Variants in FBN2 observed in about 807,000 individuals in gnomAD.
FBN2 encodes fibrillin 2.
Under a neutral mutation model 355.6 loss-of-function variants are expected in FBN2, and 105 were observed. The observed-to-expected ratio is 0.30, with a 90% CI of 0.25 to 0.35. The LOEUF is 0.35. Among genes scored for constraint, FBN2 ranks in the 10% least tolerant of loss-of-function variants. The pLI is 1.00. For synonymous variants in FBN2, 1,350 were observed against 1,301.2 expected (o/e 1.04, Z -0.81); for missense variants, 3,280 against 3,758.7 (o/e 0.87, Z 3.33).
At chr5:128,356,074 T>A (rs187390870) in intron 20 of FBN2, among the ~76,000 whole-genome samples, 2 of 152,190 alleles carry the variant, frequency 1.3e-5, no homozygotes, top group Admixed American at 1.3e-4. Context: ...TCCATCTCAA[T>A]TGGAAATTGT....
chr5:128,481,098 C>T lies in FBN2; in HGVS notation c.629-16177G>A, dbSNP rs183834094. Among the ~76,000 whole-genome samples the T allele has an allele frequency of 3.9e-5, 6 of 152,164 alleles. No individual in the cohort carries two copies. The East Asian group carries it at 1.2e-3, about 29-fold the overall frequency. On this transcript the variant is annotated intron_variant, in intron 5 of 64. Coordinates refer to ENST00000262464, the MANE Select transcript of FBN2 (RefSeq NM_001999.4). Reference sequence around the variant, plus strand: ...TGTTTGGAATCAAAGCCAGGTTTCACAGCCTGAAAATTAATACTGTGCAGC... The same window carrying T: ...TGTTTGGAATCAAAGCCAGGTTTCATAGCCTGAAAATTAATACTGTGCAGC...
At chr5:128,323,847 T>C (rs1304032266) in intron 34 of FBN2, among the ~76,000 whole-genome samples, 5 of 152,252 alleles carry the variant, frequency 3.3e-5, no homozygotes, top group Non-Finnish European at 7.3e-5. Flanking sequence ...TTGTTTGGAA[T>C]AGTTTCAGAA....
At chr5:128,305,415 G>T in intron 44 of FBN2, 96 bp downstream of exon 44, 1 of 1,430,084 alleles carries the variant, frequency 7.0e-7, no homozygotes, top group South Asian at 1.2e-5. Flanking sequence ...GGTTAAGTGA[G>T]AAAATCTTTC....
At chr5:128,420,431 A>G (rs891238025) in intron 7 of FBN2, among the ~76,000 whole-genome samples, 38 of 152,224 alleles carry the variant, frequency 2.5e-4, no homozygotes, top group Non-Finnish European at 2.5e-4. Context: ...TTTTTTTCCC[A>G]TACAGCATAA....
chr5:128,416,680 T>C (rs1230702176), intron 7 of FBN2, among the ~76,000 whole-genome samples: 1 of 152,192 alleles, frequency 6.6e-6, no homozygotes, highest in Non-Finnish European at 1.5e-5. Context: ...CATTCCTCAA[T>C]GTTGTTTTGG....
chr5:128,293,831 TTTAATTAA>T (rs968328695), intron 48 of FBN2, among the ~76,000 whole-genome samples: 1 of 151,142 alleles, frequency 6.6e-6, no homozygotes, highest in African/African-American at 2.5e-5. Flanking sequence ...TTTTCTTTTT[TTTAATTAA>T]TTAATTAATT....
intron 5 of FBN2, among the ~76,000 whole-genome samples, chr5:128,478,054 C>G (rs144913697): frequency 6.6e-6 from 1 of 152,324 alleles, no homozygotes; most frequent in African/African-American, 2.4e-5. Flanking sequence ...TGTGCAAGTA[C>G]TTCTCAGCTA....
chr5:128,489,685 T>C (rs903153455), intron 5 of FBN2, among the ~76,000 whole-genome samples: 2 of 152,076 alleles, frequency 1.3e-5, no homozygotes, highest in East Asian at 1.9e-4. Context: ...CTGTGAAAAA[T>C]GATTCATTAA....
intron 62 of FBN2, among the ~76,000 whole-genome samples, chr5:128,271,340 T>A (rs772457468): frequency 3.3e-5 from 5 of 152,170 alleles, no homozygotes; most frequent in Non-Finnish European, 7.4e-5. Context: ...AGCCAAGAAA[T>A]TAGGCATATG....
intron 5 of FBN2, among the ~76,000 whole-genome samples, chr5:128,487,509 G>C (rs1277321642): frequency 6.6e-6 from 1 of 151,956 alleles, no homozygotes; most frequent in Non-Finnish European, 1.5e-5. Flanking sequence ...TGTTTTCTTT[G>C]GGCACTTATC....
intron 38 of FBN2, 26 bp from the exon 39 acceptor site, chr5:128,311,451 A>G: frequency 6.2e-7 from 1 of 1,612,282 alleles, no homozygotes; most frequent in Non-Finnish European, 8.5e-7. Context: ...CAGTGCACTT[A>G]AAACAAACAC....
intron 7 of FBN2, among the ~76,000 whole-genome samples, chr5:128,426,242 C>T (rs959976728): frequency 1.3e-5 from 2 of 152,200 alleles, no homozygotes; most frequent in Non-Finnish European, 1.5e-5. Context: ...TCACATTACA[C>T]ATCTGGACAA....
chr5:128,423,532 A>G (rs976491282), intron 7 of FBN2, among the ~76,000 whole-genome samples: 3 of 152,178 alleles, frequency 2.0e-5, no homozygotes, highest in African/African-American at 7.2e-5. Context: ...GGTCCCTCCC[A>G]CAATAAATGG....
chr5:128,392,282 T>G, intron 10 of FBN2, 127 bp from the exon 11 acceptor site: 1 of 799,576 alleles, frequency 1.3e-6, no homozygotes, highest in Non-Finnish European at 2.0e-6. Context: ...TTTTATATTT[T>G]ATTAAAACTT....
At chr5:128,498,188 T>C (rs968628312) in intron 5 of FBN2, among the ~76,000 whole-genome samples, 1 of 152,208 alleles carries the variant, frequency 6.6e-6, no homozygotes, top group African/African-American at 2.4e-5. Flanking sequence ...ACCATCAAAG[T>C]GATTCTTGCA....
intron 9 of FBN2, among the ~76,000 whole-genome samples, chr5:128,394,669 A>G (rs1752600149): frequency 6.6e-6 from 1 of 152,244 alleles, no homozygotes; most frequent in Non-Finnish European, 1.5e-5. Flanking sequence ...TAAATTAGAT[A>G]TTATCAAAAC....
In FBN2 at chr5:128,259,839, G is replaced by A. The variant is rs1329963879; in HGVS notation, c.8365-10C>T. On this transcript the variant is annotated splice_polypyrimidine_tract_variant and intron_variant, in intron 64 of 64. Coordinates refer to ENST00000262464, the MANE Select transcript of FBN2 (RefSeq NM_001999.4). The stretch of plus-strand genomic sequence containing the variant: ...GGCTGATCTGTTCAACCTGGAGGAA[G>A]AACAGGAAATGATTTGGGACAAGCT... 2 of 1,613,250 alleles carry A rather than the reference G, an allele frequency of 1.2e-6. No individual in the cohort carries two copies. Among genetic ancestry groups the A allele is most frequent in the Non-Finnish European group, 1.7e-6 (2 of 1,179,872 alleles).
chr5:128,487,081 G>A (rs1016395417), intron 5 of FBN2, among the ~76,000 whole-genome samples: 4 of 152,222 alleles, frequency 2.6e-5, no homozygotes, highest in Admixed American at 2.0e-4. Flanking sequence ...TTTAAAATTA[G>A]GTATGGCCAC....
At chr5:128,262,257 C>T (rs1764994243) in intron 63 of FBN2, among the ~76,000 whole-genome samples, 1 of 152,028 alleles carries the variant, frequency 6.6e-6, no homozygotes, top group Non-Finnish European at 1.5e-5. Context: ...TAGGGTCTTG[C>T]TATGTTGCCC....
Sources: allele counts gnomAD v4.1 joint callset (sites outside exome capture counted in the v4.1 genomes callset), GRCh38; gene constraint gnomAD v4.1.1; transcripts MANE v1.5; gene names NCBI Gene and HGNC (gene_info 2026-07-23, HGNC 2026-07-21).